FMN1: variants seen among roughly 807,000 people sequenced by gnomAD.
The protein encoded by FMN1 is formin-1.
A neutral mutation model predicts 132.4 loss-of-function variants in FMN1; 110 were observed. The ratio of observed to expected loss-of-function variants is 0.83; its 90% confidence interval spans 0.71 to 0.97. The LOEUF is 0.97. Among genes scored for constraint, FMN1 ranks in the 50% least tolerant of loss-of-function variants. FMN1 has a pLI of 0.00. For synonymous variants in FMN1, 722 were observed against 651.7 expected (o/e 1.11, Z -1.64); for missense variants, 1,792 against 1,705.3 (o/e 1.05, Z -0.90).
At chr15:32,899,882 G>A in intron 14 of FMN1, 97 bp downstream of exon 14, 1 of 1,198,638 alleles carries the variant, frequency 8.3e-7, no homozygotes, top group South Asian at 1.4e-5. Context: ...GGGGAGGATA[G>A]AGATAAATGG....
chr15:33,111,975 ACT>A (rs569823475), intron 4 of FMN1, among the ~76,000 whole-genome samples: 14 of 152,146 alleles, frequency 9.2e-5, no homozygotes, highest in Non-Finnish European at 1.5e-4. Context: ...TTTTAAAAAG[ACT>A]CAAGTTACCA....
chr15:33,063,399 A>C (rs950764703), intron 6 of FMN1: 1 of 152,158 alleles, frequency 6.6e-6, no homozygotes, highest in Non-Finnish European at 1.5e-5. Flanking sequence ...CCTCCCTCTT[A>C]AGTTCTAGTT....
intron 9 of FMN1, among the ~76,000 whole-genome samples, chr15:32,957,860 A>G (rs774214963): frequency 1.2e-4 from 19 of 152,186 alleles, no homozygotes; most frequent in Non-Finnish European, 2.4e-4. Flanking sequence ...AAAATAAGAG[A>G]TAGTAGCAAG....
chr15:32,948,427 C>T (rs1567446070), intron 9 of FMN1, among the ~76,000 whole-genome samples: 1 of 151,776 alleles, frequency 6.6e-6, no homozygotes, highest in Non-Finnish European at 1.5e-5. Context: ...ATTATATATA[C>T]TAGTCTTGAG....
At chr15:33,053,089 C>A (rs765942106) in intron 6 of FMN1, among the ~76,000 whole-genome samples, 2 of 152,132 alleles carry the variant, frequency 1.3e-5, no homozygotes, top group Non-Finnish European at 2.9e-5. Context: ...GTCAGTGTGA[C>A]CTCATTCTTC....
intron 13 of FMN1, 170 bp from the exon 14 acceptor site, chr15:32,900,295 C>G (rs1371830491): frequency 1.4e-6 from 1 of 733,632 alleles, no homozygotes; most frequent in South Asian, 1.5e-5. Context: ...AGTGTCTTTA[C>G]AAACACATTA....
At chr15:33,185,179 A>G (rs1297192979) in intron 2 of FMN1, among the ~76,000 whole-genome samples, 1 of 152,216 alleles carries the variant, frequency 6.6e-6, no homozygotes, top group African/African-American at 2.4e-5. Flanking sequence ...AGTTAAGAAT[A>G]ATAATTTAAA....
intron 20 of FMN1, 47 bp downstream of exon 20, chr15:32,776,788 T>C: frequency 8.1e-7 from 1 of 1,229,888 alleles, no homozygotes; most frequent in Non-Finnish European, 1.2e-6. Context: ...TGGGCGCACC[T>C]CAATTTTCAT....
intron 4 of FMN1, among the ~76,000 whole-genome samples, chr15:33,130,029 A>C (rs1963470329): frequency 1.3e-5 from 2 of 151,976 alleles, no homozygotes; most frequent in Admixed American, 1.3e-4. Context: ...ATCGTGATCC[A>C]CCTGCCTTGG....
chr15:33,061,530 T>C (rs2037482909), intron 6 of FMN1, among the ~76,000 whole-genome samples: 1 of 152,008 alleles, frequency 6.6e-6, no homozygotes, highest in Non-Finnish European at 1.5e-5. Context: ...CTCGTGAAGT[T>C]ACTAAACATT....
chr15:32,829,909 A>G (rs1243091389), intron 17 of FMN1, among the ~76,000 whole-genome samples: 2 of 152,138 alleles, frequency 1.3e-5, no homozygotes, highest in Admixed American at 1.3e-4. Context: ...GGGGGGACAC[A>G]TTTCTCCCAC....
rs143999809 is a variant in FMN1 at position 32,874,154 on chromosome 15, T to G, written c.3835+14018A>C. 7.8e-3 allele frequency among the ~76,000 whole-genome samples: 1,187 copies of G among 151,890 alleles called. 11 individuals are homozygous for G. Among genetic ancestry groups the G allele is most frequent in the African/African-American group, 0.027 (1,115 of 41,390 alleles). On this transcript the variant is annotated intron_variant, in intron 16 of 20. Coordinates refer to ENST00000616417, the MANE Select transcript of FMN1 (RefSeq NM_001277313.2). ...CTCCTGCCTTAGCCTCCTGAGTAGC[T>G]TGGATTACAGGTGCCTGCCACCACG...
chr15:32,968,826 G>C lies in FMN1; in HGVS notation c.2875C>G (p.Leu959Val). The change falls in exon 8 of 21, where the codon CTC (leucine) becomes GTC (valine). Residue 959 changes from leucine to valine, a missense_variant. Transcript: ENST00000616417. ...PGLAPPPPPG[L>V]FFGLGSSSSQ... ...GAAGAAGAGCCAAGTCCAAAGAAGA[G>C]TCCAGGGGGAGGTGGGGGTGCAAGT... The C allele has an allele frequency of 6.2e-7, 1 of 1,610,832 alleles. No homozygotes were observed. The highest frequency in any genetic ancestry group is 8.5e-7 in the Non-Finnish European group (1 of 1,178,756).
At chr15:32,893,848 T>C (rs2060089878) in intron 15 of FMN1, among the ~76,000 whole-genome samples, 2 of 152,252 alleles carry the variant, frequency 1.3e-5, no homozygotes, top group Non-Finnish European at 2.9e-5. Context: ...TCCACAGGCA[T>C]ATTTCAGCCT....
intron 16 of FMN1, among the ~76,000 whole-genome samples, chr15:32,864,619 C>G (rs1170680740): frequency 6.6e-6 from 1 of 152,192 alleles, no homozygotes; most frequent in East Asian, 1.9e-4. Flanking sequence ...TCCGAATTCC[C>G]AGTTGTCCAT....
Position 32,965,160 on chromosome 15 carries a change from G to A in FMN1, c.2988-903C>T, listed in dbSNP as rs139907847. 1.3e-3 allele frequency among the ~76,000 whole-genome samples: 192 copies of A among 152,296 alleles called. 1 individual carries two copies. The highest frequency in any genetic ancestry group is 4.4e-3 in the African/African-American group (183 of 41,554). ...CACCTGTAATCCAAGCACTTTGGGA[G>A]GCTGAGGTGGGCAGATCACTTGGGG... On this transcript the variant is annotated intron_variant, in intron 8 of 20. Transcript: ENST00000616417.
chr15:32,773,062 C>T lies in FMN1; in HGVS notation c.*1248G>A, dbSNP rs1036728644. Reference sequence around the variant, plus strand: ...TTCATCTCCAGTCCTCTTTCTTCACCCCTCACAAGATTTCAGAGACGTGGC... The same window carrying T: ...TTCATCTCCAGTCCTCTTTCTTCACTCCTCACAAGATTTCAGAGACGTGGC... On this transcript the variant is annotated 3_prime_UTR_variant, in exon 21 of 21. Transcript: ENST00000616417. 6.6e-6 allele frequency: 1 copy of T among 152,148 alleles called. No individual in the cohort carries two copies. Among genetic ancestry groups the T allele is most frequent in the Admixed American group, 6.5e-5 (1 of 15,270 alleles). The allele number at this position is 152,148 out of a possible 1,614,324, so 9.4% of individuals were successfully genotyped here.
Position 33,185,745 on chromosome 15 carries a change from T to C in FMN1, c.-196-5483A>G, listed in dbSNP as rs142856131. On this transcript the variant is annotated intron_variant, in intron 2 of 20. Transcript: ENST00000616417. ...GTGCCACCACACCCAGCTAATTTTG[T>C]ATTTTTAGTAGAGACAGGGTTTCAC... Among the ~76,000 whole-genome samples, 643 of 152,050 alleles carry C rather than the reference T, an allele frequency of 4.2e-3. 2 individuals are homozygous for C. The highest frequency in any genetic ancestry group is 0.015 in the African/African-American group (626 of 41,474).
chr15:33,145,620 C>A lies in FMN1; in HGVS notation c.1867+7428G>T, dbSNP rs940264692. ...CCCTCCCCGTGGTAGCCGCTACCCTCGGATGTGGCTCAAATTCTTGCTTTC... is the reference window on the plus strand; with the variant it reads ...CCCTCCCCGTGGTAGCCGCTACCCTAGGATGTGGCTCAAATTCTTGCTTTC... On this transcript the variant is annotated intron_variant, in intron 4 of 20. Transcript: ENST00000616417. Among the ~76,000 whole-genome samples, 16 of 151,414 alleles carry A rather than the reference C, an allele frequency of 1.1e-4. No individual in the cohort carries two copies. In the South Asian group the frequency reaches 3.4e-3, roughly 32 times the overall value.
Sources: allele counts gnomAD v4.1 joint callset (sites outside exome capture counted in the v4.1 genomes callset), GRCh38; gene constraint gnomAD v4.1.1; transcripts MANE v1.5; gene names NCBI Gene and HGNC (gene_info 2026-07-23, HGNC 2026-07-21).